Variants in STIL observed in about 807,000 individuals in gnomAD.
The protein encoded by STIL is STIL centriolar assembly protein.
In STIL, 55 loss-of-function variants were observed where a neutral mutation model predicts 110.1. That is an observed-to-expected ratio of 0.50 (90% CI 0.40 to 0.63). The LOEUF (loss-of-function observed/expected upper bound fraction) is 0.63. Among genes scored for constraint, STIL ranks in the 20% least tolerant of loss-of-function variants. The probability of loss-of-function intolerance (pLI) is 0.00; values close to 1 mark genes in which losing one functional copy is unlikely to be tolerated. For missense variants in STIL, 1,358 were observed against 1,530.0 expected (o/e 0.89, Z 1.87); for synonymous variants, 481 against 530.0 (o/e 0.91, Z 1.27).
In STIL at chr1:47,292,512, CAG is replaced by C. The variant is rs138783965; in HGVS notation, c.872+944_872+945del. ...GACAAAAGGGCCAGTTTTTAAAATA[CAG>C]TATGTATTATAAACTCTTCAGTTGT... On this transcript the variant is annotated intron_variant, in intron 8 of 16. Transcript: ENST00000371877. Among the ~76,000 whole-genome samples, 544 of 152,258 alleles carry C rather than the reference CAG, an allele frequency of 3.6e-3. 20 individuals carry two copies. The East Asian group carries it at 0.084, about 24-fold the overall frequency.
chr1:47,265,326 AG>A (rs1644616949), intron 14 of STIL, among the ~76,000 whole-genome samples: 1 of 151,356 alleles, frequency 6.6e-6, no homozygotes, highest in African/African-American at 2.4e-5. Flanking sequence ...AGTAGTCTGC[AG>A]TTTACAGAGT....
At chr1:47,295,023 G>A (rs1414815270) in intron 7 of STIL, among the ~76,000 whole-genome samples, 2 of 152,098 alleles carry the variant, frequency 1.3e-5, no homozygotes, top group South Asian at 2.1e-4. Flanking sequence ...CTGGGCTCAA[G>A]TGATTCTCCT....
chr1:47,257,275 T>A (rs1487741896), intron 16 of STIL, among the ~76,000 whole-genome samples: 1 of 152,200 alleles, frequency 6.6e-6, no homozygotes, highest in Non-Finnish European at 1.5e-5. Context: ...GAGCCTAAGA[T>A]AACAGGGAAA....
intron 6 of STIL, among the ~76,000 whole-genome samples, chr1:47,299,026 A>G (rs1458657088): frequency 7.7e-6 from 1 of 130,482 alleles, no homozygotes; most frequent in South Asian, 2.3e-4. Context: ...TATAATTTTT[A>G]CCACCACTTT....
Position 47,259,006 on chromosome 1 carries a change from T to TTTTTTTTTTTTTTTTTTA in STIL, c.3080+1282_3080+1283insTAAAAAAAAAAAAAAAAA, listed in dbSNP as rs55925437. ...AAGTAACTTTGCTTTTTTTTTTTTT[T>TTTTTTTTTTTTTTTTTTA]GAGACAGTCTTGCTTTGCTATCCAA... On this transcript the variant is annotated intron_variant, in intron 16 of 16. Transcript: ENST00000371877. 7.7e-5 allele frequency among the ~76,000 whole-genome samples: 4 copies of TTTTTTTTTTTTTTTTTTA among 51,732 alleles called. 1 individual carries two copies. Among genetic ancestry groups the TTTTTTTTTTTTTTTTTTA allele is most frequent in the Non-Finnish European group, 5.1e-5 (1 of 19,686 alleles). 33.9% of individuals were successfully genotyped at this position (51,732 alleles called of 152,430 possible).
chr1:47,289,394 C>T, intron 9 of STIL, 41 bp downstream of exon 9: 1 of 1,595,716 alleles, frequency 6.3e-7, no homozygotes, highest in Non-Finnish European at 8.6e-7. Context: ...AGTGCAAAAC[C>T]CTAAACAGTC....
Position 47,250,383 on chromosome 1 carries a change from T to G in STIL, c.*753A>C, listed in dbSNP as rs1644154052. 1 of 173,440 alleles carries G rather than the reference T, an allele frequency of 5.8e-6. No homozygotes were observed. Among genetic ancestry groups the G allele is most frequent in the Non-Finnish European group, 1.2e-5 (1 of 80,192 alleles). The allele number at this position is 173,440 out of a possible 1,614,324, so 10.7% of individuals were successfully genotyped here. A position where few individuals can be genotyped will look rare whatever the true frequency, so the allele number is the denominator to read the frequency against. ...CACTCTTGTATAAAAGAGTGTAAGT[T>G]TTTATTAAGTTGTTTTTAAAAATAA... On this transcript the variant is annotated 3_prime_UTR_variant, in exon 17 of 17. Coordinates refer to ENST00000371877, the MANE Select transcript of STIL (RefSeq NM_001048166.1).
At chr1:47,271,402 T>C (rs1644830878) in intron 13 of STIL, among the ~76,000 whole-genome samples, 1 of 151,420 alleles carries the variant, frequency 6.6e-6, no homozygotes, top group Admixed American at 6.6e-5. Context: ...TGAAACCCCA[T>C]CTCTACTAAA....
chr1:47,302,921 C>T (rs146321661), intron 3 of STIL, among the ~76,000 whole-genome samples: 1 of 151,968 alleles, frequency 6.6e-6, no homozygotes, highest in African/African-American at 2.4e-5. Context: ...CTCAAAATAC[C>T]TTATTGTATT....
intron 2 of STIL, 96 bp downstream of exon 2, chr1:47,310,180 T>C: frequency 1.6e-6 from 2 of 1,267,040 alleles, no homozygotes; most frequent in Non-Finnish European, 2.2e-6. Flanking sequence ...CAGAATTTCC[T>C]GATTCTAAAG....
chr1:47,287,820 G>A (rs1402087070), intron 9 of STIL, among the ~76,000 whole-genome samples, 160 bp from the exon 10 acceptor site: 1 of 151,942 alleles, frequency 6.6e-6, no homozygotes, highest in African/African-American at 2.4e-5. Flanking sequence ...TGCTACATAA[G>A]TGAAAAAGTT....
chr1:47,291,241 A>T (rs1156371235), intron 8 of STIL, among the ~76,000 whole-genome samples: 1 of 151,876 alleles, frequency 6.6e-6, no homozygotes, highest in Non-Finnish European at 1.5e-5. Context: ...CATGCCTGTA[A>T]TCCCAGCTAC....
intron 2 of STIL, among the ~76,000 whole-genome samples, chr1:47,306,689 C>T (rs1396928639): frequency 6.6e-6 from 1 of 152,152 alleles, no homozygotes; most frequent in African/African-American, 2.4e-5. Context: ...TACCAAAATA[C>T]AGCACAAGTT....
chr1:47,272,610 T>C (rs1256977925), intron 12 of STIL, among the ~76,000 whole-genome samples: 1 of 151,974 alleles, frequency 6.6e-6, no homozygotes, highest in African/African-American at 2.4e-5. Flanking sequence ...CCACCATGCC[T>C]GGTTAATTTT....
At position 47,265,742 on chromosome 1, in the gene STIL, C is replaced by A. The variant is rs1005283797; in HGVS notation, c.2616-2626G>T. 2.1e-5 allele frequency among the ~76,000 whole-genome samples: 3 copies of A among 145,492 alleles called. No homozygotes were observed. The East Asian group carries it at 6.1e-4, about 29-fold the overall frequency. ...GGTGCAGTGAGCTGAGCTGAGATTG[C>A]GCCACTGCACTCCAACCTGGATGAC... On this transcript the variant is annotated intron_variant, in intron 14 of 16. Coordinates refer to ENST00000371877, the MANE Select transcript of STIL (RefSeq NM_001048166.1).
In STIL at chr1:47,293,518, T is replaced by C. The variant is rs374551859; in HGVS notation, c.812A>G (p.Tyr271Cys). 10 of 1,613,090 alleles carry C rather than the reference T, an allele frequency of 6.2e-6. No homozygotes were observed. The highest frequency in any genetic ancestry group is 1.1e-5 in the South Asian group (1 of 91,062). ...GIWLSGITHI[Y>C]SPQVWACCLR... Reference sequence around the variant, plus strand: ...ACAGCAAGCCCATACCTGAGGACTATAGATATGTGTAATTCCAGACAGCCA... The same window carrying C: ...ACAGCAAGCCCATACCTGAGGACTACAGATATGTGTAATTCCAGACAGCCA... Residue 271 changes from tyrosine (Y) to cysteine (C), a missense_variant, in exon 8 of 17, where the codon TAT (tyrosine) becomes TGT (cysteine). Tyr to Cys is a radical substitution (Grantham distance 194). Coordinates refer to ENST00000371877, the MANE Select transcript of STIL (RefSeq NM_001048166.1).
intron 9 of STIL, 96 bp downstream of exon 9, chr1:47,289,339 G>T: frequency 1.2e-6 from 1 of 854,850 alleles, no homozygotes; most frequent in Non-Finnish European, 1.8e-6. Flanking sequence ...TAATAGTTTG[G>T]ATTACTATTT....
chr1:47,276,203 T>C (rs1354304224), intron 12 of STIL, among the ~76,000 whole-genome samples: 3 of 151,788 alleles, frequency 2.0e-5, no homozygotes, highest in Admixed American at 1.3e-4. Context: ...GATTTCACCA[T>C]GTTGGCCAGG....
intron 16 of STIL, among the ~76,000 whole-genome samples, chr1:47,259,008 A>G (rs866804522): frequency 1.6e-4 from 1 of 6,328 alleles, no homozygotes; most frequent in African/African-American, 1.2e-3. Context: ...TTTTTTTTTG[A>G]GACAGTCTTG....
Sources: gnomAD v4.1 joint callset for allele counts (sites outside exome capture counted in the v4.1 genomes callset) on GRCh38, gnomAD v4.1.1 for gene constraint, MANE v1.5 for transcripts, NCBI Gene and HGNC (gene_info 2026-07-23, HGNC 2026-07-21) for gene names.